Variants in MCC observed in about 807,000 individuals in gnomAD.
MCC encodes MCC regulator of Wnt signaling pathway, also known as colorectal mutant cancer protein.
A neutral mutation model predicts 116.2 loss-of-function variants in MCC; 90 were observed. That is an observed-to-expected ratio of 0.77 (90% CI 0.65 to 0.92). The LOEUF (loss-of-function observed/expected upper bound fraction) is 0.92. MCC is among the 40% of genes least tolerant of loss of function. MCC has a pLI of 0.00. For missense variants in MCC, 1,516 were observed against 1,312.2 expected, an observed-to-expected ratio of 1.16 and a Z score of -2.40; for synonymous variants, 578 against 510.5, an observed-to-expected ratio of 1.13 and a Z score of -1.78.
rs1360794229 is a variant in MCC at position 113,467,125 on chromosome 5, T to G, written c.170+21120A>C. Among the ~76,000 whole-genome samples, 11 of 151,690 alleles carry G rather than the reference T, an allele frequency of 7.3e-5. No homozygotes were observed. In the East Asian group the frequency reaches 2.1e-3, roughly 29 times the overall value. ...GTAGGTTGCAAAAATTTTCTCCCATTCTGTAGGTTGCCTGTTCACTCTGAT... is the reference window on the plus strand; with the variant it reads ...GTAGGTTGCAAAAATTTTCTCCCATGCTGTAGGTTGCCTGTTCACTCTGAT... On this transcript the variant is annotated intron_variant, in intron 1 of 18. Coordinates refer to ENST00000408903, the MANE Select transcript of MCC (RefSeq NM_001085377.2).
At chr5:113,231,819 T>C (rs1335639343) in intron 3 of MCC, among the ~76,000 whole-genome samples, 1 of 152,192 alleles carries the variant, frequency 6.6e-6, no homozygotes, top group Non-Finnish European at 1.5e-5. Flanking sequence ...CAAGCTGTCA[T>C]ATTTATTATA....
chr5:113,250,746 C>T (rs939809300), intron 3 of MCC, among the ~76,000 whole-genome samples: 2 of 152,140 alleles, frequency 1.3e-5, no homozygotes, highest in Non-Finnish European at 1.5e-5. Context: ...TGCTGGAAAA[C>T]GCATGTGGCT....
intron 3 of MCC, among the ~76,000 whole-genome samples, chr5:113,303,291 G>C (rs534882483): frequency 2.3e-4 from 35 of 152,316 alleles, no homozygotes; most frequent in African/African-American, 7.9e-4. Flanking sequence ...CCAAGGGAGA[G>C]AGTGAGTAAT....
chr5:113,065,176 C>T (rs1391667099), intron 13 of MCC, among the ~76,000 whole-genome samples: 2 of 152,118 alleles, frequency 1.3e-5, no homozygotes, highest in African/African-American at 2.4e-5. Context: ...AGAATGAACT[C>T]TGATGTAAAC....
chr5:113,127,825 A>G (rs1367110346), intron 5 of MCC, among the ~76,000 whole-genome samples: 3 of 152,102 alleles, frequency 2.0e-5, no homozygotes, highest in African/African-American at 7.2e-5. Flanking sequence ...TTCTTTTGCT[A>G]TGCAGAAGCT....
chr5:113,480,805 C>T (rs939300094), intron 1 of MCC, among the ~76,000 whole-genome samples: 2 of 152,092 alleles, frequency 1.3e-5, no homozygotes, highest in African/African-American at 4.8e-5. Context: ...CAGACAGTGT[C>T]TTGCTCTGTT....
chr5:113,414,347 T>C (rs909875782), intron 1 of MCC, among the ~76,000 whole-genome samples: 1 of 152,222 alleles, frequency 6.6e-6, no homozygotes, highest in African/African-American at 2.4e-5. Context: ...CTCATTGATC[T>C]GTCTAACATT....
At chr5:113,333,825 A>G (rs1035044376) in intron 3 of MCC, among the ~76,000 whole-genome samples, 1 of 43,734 alleles carries the variant, frequency 2.3e-5, no homozygotes. Flanking sequence ...ATGTACATAT[A>G]TGTATATATG....
chr5:113,092,496 T>C (rs1194631480), intron 8 of MCC, among the ~76,000 whole-genome samples: 1 of 152,178 alleles, frequency 6.6e-6, no homozygotes. Context: ...TTGTCTTAAG[T>C]CACTAAGTTC....
intron 3 of MCC, among the ~76,000 whole-genome samples, chr5:113,194,237 T>C (rs1762279843): frequency 6.6e-6 from 1 of 152,206 alleles, no homozygotes; most frequent in Non-Finnish European, 1.5e-5. Context: ...CAGGGGGACA[T>C]GGTGATAACC....
intron 8 of MCC, among the ~76,000 whole-genome samples, chr5:113,094,970 G>GCC (rs1040530831): frequency 6.6e-6 from 1 of 152,182 alleles, no homozygotes; most frequent in African/African-American, 2.4e-5. Flanking sequence ...GGGATTCTCT[G>GCC]CCTTGGATTC....
intron 17 of MCC, among the ~76,000 whole-genome samples, chr5:113,030,004 T>G (rs905060645): frequency 1.3e-5 from 2 of 152,222 alleles, no homozygotes; most frequent in Non-Finnish European, 2.9e-5. Context: ...TAGTGACTGT[T>G]AAAACAGCTT....
intron 17 of MCC, among the ~76,000 whole-genome samples, chr5:113,035,851 G>A (rs936915977): frequency 1.3e-5 from 2 of 151,970 alleles, no homozygotes; most frequent in African/African-American, 2.4e-5. Context: ...ACATCATCCC[G>A]TTTCCTTCAT....
chr5:113,472,291 G>A (rs985597046), intron 1 of MCC, among the ~76,000 whole-genome samples: 9 of 152,124 alleles, frequency 5.9e-5, no homozygotes, highest in Non-Finnish European at 8.8e-5. Flanking sequence ...GTTCCTATTC[G>A]GCCATCTTCT....
At chr5:113,030,877 C>G (rs192215132) in intron 17 of MCC, among the ~76,000 whole-genome samples, 1 of 152,318 alleles carries the variant, frequency 6.6e-6, no homozygotes, top group East Asian at 1.9e-4. Context: ...GGGAGGCTTT[C>G]ATTTTCTACT....
chr5:113,034,779 A>G (rs879384662), intron 17 of MCC, among the ~76,000 whole-genome samples: 5 of 152,220 alleles, frequency 3.3e-5, no homozygotes, highest in Non-Finnish European at 5.9e-5. Flanking sequence ...TGTTGCATCC[A>G]GCGGTCTGGT....
chr5:113,458,863 G>C (rs1352969008), intron 1 of MCC, among the ~76,000 whole-genome samples: 1 of 152,152 alleles, frequency 6.6e-6, no homozygotes, highest in Admixed American at 6.5e-5. Context: ...CCTTTTAGGG[G>C]CCTCCAATTG....
At chr5:113,426,300 G>A (rs1247772946) in intron 1 of MCC, among the ~76,000 whole-genome samples, 1 of 152,130 alleles carries the variant, frequency 6.6e-6, no homozygotes, top group Admixed American at 6.5e-5. Flanking sequence ...AACATGGGAG[G>A]CTTGACAAAC....
At chr5:113,121,614 T>C (rs967563326) in intron 6 of MCC, among the ~76,000 whole-genome samples, 2 of 152,228 alleles carry the variant, frequency 1.3e-5, no homozygotes, top group African/African-American at 4.8e-5. Flanking sequence ...TACACTCTCA[T>C]AGTACTGTGT....
Sources: gnomAD v4.1 joint callset for allele counts (sites outside exome capture counted in the v4.1 genomes callset) on GRCh38, gnomAD v4.1.1 for gene constraint, MANE v1.5 for transcripts, NCBI Gene and HGNC (gene_info 2026-07-23, HGNC 2026-07-21) for gene names.